The following ZMAT4 variants were observed in gnomAD, a reference collection of about 807,000 sequenced individuals.
The protein encoded by ZMAT4 is zinc finger matrin-type 4.
Under a neutral mutation model 28.7 loss-of-function variants are expected in ZMAT4, and 17 were observed. The ratio of observed to expected loss-of-function variants is 0.59; its 90% CI spans 0.41 to 0.89. The LOEUF (loss-of-function observed/expected upper bound fraction) is 0.89, where lower values mean the gene tolerates loss of function less well. Among genes scored for constraint, ZMAT4 ranks in the 40% least tolerant of loss-of-function variants. ZMAT4 has a pLI of 0.00. For missense variants in ZMAT4, 240 were observed against 283.8 expected, an observed-to-expected ratio of 0.85 and a Z score of 1.11; for synonymous variants, 117 against 109.2, an observed-to-expected ratio of 1.07 and a Z score of -0.44.
chr8:40,823,532 G>T (rs568755162), intron 2 of ZMAT4, among the ~76,000 whole-genome samples: 1 of 152,212 alleles, frequency 6.6e-6, no homozygotes, highest in South Asian at 2.1e-4. Flanking sequence ...GGTGTCACGC[G>T]CCTGTAGTCC....
At chr8:40,656,372 G>A (rs1275057377) in intron 5 of ZMAT4, among the ~76,000 whole-genome samples, 2 of 152,036 alleles carry the variant, frequency 1.3e-5, no homozygotes, top group African/African-American at 4.8e-5. Flanking sequence ...AATCACTTTT[G>A]CAAACACTTT....
At chr8:40,732,834 CTTTTTTTT>C (rs11461186) in intron 3 of ZMAT4, among the ~76,000 whole-genome samples, 144 of 67,080 alleles carry the variant, frequency 2.1e-3, no homozygotes, top group African/African-American at 7.9e-3. Context: ...GCAAGACCTC[CTTTTTTTT>C]TTTTTTTTTT....
intron 6 of ZMAT4, among the ~76,000 whole-genome samples, chr8:40,555,374 T>A (rs1181515963): frequency 6.6e-6 from 1 of 152,172 alleles, no homozygotes; most frequent in African/African-American, 2.4e-5. Flanking sequence ...CTATTTTTAG[T>A]TTACAAATAC....
chr8:40,655,685 G>T (rs1451659166), intron 5 of ZMAT4, among the ~76,000 whole-genome samples: 2 of 152,016 alleles, frequency 1.3e-5, no homozygotes, highest in African/African-American at 4.8e-5. Flanking sequence ...TTCAGCAAAG[G>T]TGCCATGACA....
chr8:40,708,567 CTCTT>C (rs1810462465), intron 3 of ZMAT4, among the ~76,000 whole-genome samples: 1 of 76,098 alleles, frequency 1.3e-5, no homozygotes, highest in African/African-American at 4.9e-5. Flanking sequence ...CACATACACA[CTCTT>C]TCTCTCTCTC....
intron 5 of ZMAT4, among the ~76,000 whole-genome samples, chr8:40,671,777 T>C (rs1445006904): frequency 6.6e-6 from 1 of 152,206 alleles, no homozygotes; most frequent in Admixed American, 6.5e-5. Flanking sequence ...TAACATGTAA[T>C]ATCTCTGCAT....
At chr8:40,553,362 G>C (rs1803425261) in intron 6 of ZMAT4, among the ~76,000 whole-genome samples, 3 of 152,128 alleles carry the variant, frequency 2.0e-5, no homozygotes, top group Admixed American at 1.3e-4. Flanking sequence ...TACAGCCCTG[G>C]ATGGCTAATA....
intron 2 of ZMAT4, among the ~76,000 whole-genome samples, chr8:40,804,289 T>C (rs1365875233): frequency 6.6e-6 from 1 of 152,198 alleles, no homozygotes; most frequent in Non-Finnish European, 1.5e-5. Context: ...AATGCACCTC[T>C]ATGGTGGGTG....
chr8:40,816,583 A>G (rs1036821929), intron 2 of ZMAT4, among the ~76,000 whole-genome samples: 23 of 152,236 alleles, frequency 1.5e-4, no homozygotes, highest in African/African-American at 5.5e-4. Flanking sequence ...GTAGCAAAAT[A>G]CTGGCAAAAC....
chr8:40,645,344 A>T (rs1035737230), intron 5 of ZMAT4, among the ~76,000 whole-genome samples: 1 of 152,184 alleles, frequency 6.6e-6, no homozygotes. Flanking sequence ...TTTACTAAGC[A>T]AGCAGTATTT....
At chr8:40,824,613 GAAAGAAAGGAAGAAAA>G (rs1271884242) in intron 2 of ZMAT4, among the ~76,000 whole-genome samples, 1 of 140,484 alleles carries the variant, frequency 7.1e-6, no homozygotes, top group Non-Finnish European at 1.5e-5. Flanking sequence ...ATCTCAGAAA[GAAAGAAAGGAAGAAAA>G]AAAGAAAGGA....
chr8:40,658,647 CACACACACACACACACAA>C (rs1280972662), intron 5 of ZMAT4, among the ~76,000 whole-genome samples: 6 of 151,776 alleles, frequency 4.0e-5, no homozygotes. Flanking sequence ...CACACACACA[CACACACACACACACACAA>C]ACACAAAACT....
Position 40,838,789 on chromosome 8 carries a change from G to T in ZMAT4, c.-4-13109C>A, listed in dbSNP as rs144446264. Among the ~76,000 whole-genome samples the T allele has an allele frequency of 3.6e-3, 547 of 152,278 alleles. 2 individuals are homozygous for T. Among genetic ancestry groups the T allele is most frequent in the Non-Finnish European group, 5.3e-3 (361 of 68,026 alleles). On this transcript the variant is annotated intron_variant, in intron 1 of 6. Transcript: ENST00000297737. ...AACAAAAGACATGAACAGTTAGGTG[G>T]ACAGTGAAGGAAGGATTTGGAAGGT...
chr8:40,693,345 G>A (rs1809738635), intron 4 of ZMAT4, among the ~76,000 whole-genome samples: 1 of 151,948 alleles, frequency 6.6e-6, no homozygotes, highest in African/African-American at 2.4e-5. Context: ...CAAATTCCTG[G>A]GCTCAAGCAA....
intron 3 of ZMAT4, among the ~76,000 whole-genome samples, chr8:40,704,923 G>A (rs1039029758): frequency 6.6e-6 from 1 of 152,180 alleles, no homozygotes; most frequent in Non-Finnish European, 1.5e-5. Flanking sequence ...TGTGTCCTAT[G>A]GCTAGAAGGT....
chr8:40,801,437 G>A (rs768968758), intron 2 of ZMAT4, among the ~76,000 whole-genome samples: 2 of 150,108 alleles, frequency 1.3e-5, no homozygotes, highest in Non-Finnish European at 3.0e-5. Flanking sequence ...GGAGGCTGAG[G>A]CAGGCAGATC....
chr8:40,707,580 A>G (rs1368359786), intron 3 of ZMAT4, among the ~76,000 whole-genome samples: 1 of 152,130 alleles, frequency 6.6e-6, no homozygotes, highest in Non-Finnish European at 1.5e-5. Context: ...ATTTGTATGT[A>G]AGTCAAATAT....
intron 5 of ZMAT4, among the ~76,000 whole-genome samples, chr8:40,628,657 G>A (rs1448438825): frequency 6.6e-6 from 1 of 152,146 alleles, no homozygotes; most frequent in African/African-American, 2.4e-5. Context: ...TGGAGGGGTT[G>A]ACAAGATGGT....
intron 5 of ZMAT4, among the ~76,000 whole-genome samples, chr8:40,617,288 A>G (rs536021761): frequency 6.6e-5 from 10 of 152,364 alleles, no homozygotes; most frequent in African/African-American, 2.2e-4. Flanking sequence ...TGATGTACAC[A>G]AGAAGTTTCT....
Sources: allele counts gnomAD v4.1 joint callset (sites outside exome capture counted in the v4.1 genomes callset), GRCh38; gene constraint gnomAD v4.1.1; transcripts MANE v1.5; gene names NCBI Gene and HGNC (gene_info 2026-07-23, HGNC 2026-07-21).